Variants in ETFA observed in about 807,000 individuals in gnomAD.
ETFA encodes the protein electron transfer flavoprotein subunit alpha, also known as electron transfer flavoprotein subunit alpha, mitochondrial.
A neutral mutation model predicts 46.2 loss-of-function variants in ETFA; 22 were observed. The observed-to-expected ratio is 0.48, with a 90% CI of 0.34 to 0.68. ETFA has a LOEUF of 0.68. Among genes scored for constraint, ETFA ranks in the 30% least tolerant of loss-of-function variants. ETFA has a pLI of 0.01. For missense variants in ETFA, 345 were observed against 401.1 expected (o/e 0.86, Z 1.19); for synonymous variants, 131 against 139.9 (o/e 0.94, Z 0.45).
At chr15:76,286,288 G>T in intron 6 of ETFA, 83 bp downstream of exon 6, 2 of 706,694 alleles carry the variant, frequency 2.8e-6, no homozygotes, top group Non-Finnish European at 4.9e-6. Flanking sequence ...AGAAATGTAG[G>T]CAGAGGTCAT....
chr15:76,223,372 C>T (rs1307291357), intron 11 of ETFA, among the ~76,000 whole-genome samples: 1 of 151,886 alleles, frequency 6.6e-6, no homozygotes, highest in Non-Finnish European at 1.5e-5. Context: ...CATGCATCAC[C>T]ATGCTCGGCT....
chr15:76,236,069 CT>C (rs900425527), intron 9 of ETFA, among the ~76,000 whole-genome samples: 1 of 152,158 alleles, frequency 6.6e-6, no homozygotes, highest in Non-Finnish European at 1.5e-5. Flanking sequence ...TTTTTGGCTG[CT>C]TTCTTCAGAA....
intron 11 of ETFA, among the ~76,000 whole-genome samples, chr15:76,220,124 C>T (rs2038943446): frequency 6.6e-6 from 1 of 152,152 alleles, no homozygotes; most frequent in South Asian, 2.1e-4. Context: ...AGTGCAGTGG[C>T]ATGATCTTGG....
In ETFA at chr15:76,216,452, A is replaced by G. The variant is rs1444001792; in HGVS notation, c.*107T>C. 2 of 707,934 alleles carry G rather than the reference A, an allele frequency of 2.8e-6. No homozygotes were observed. The highest frequency in any genetic ancestry group is 5.0e-6 in the Non-Finnish European group (2 of 398,440). 43.9% of individuals were successfully genotyped at this position (707,934 alleles called of 1,614,324 possible). On this transcript the variant is annotated 3_prime_UTR_variant, in exon 12 of 12. Transcript: ENST00000557943. ...GTTAGAAATTTTCCCTCAAATTATG[A>G]AATGTAGCTCTCCATGCTTTCCAAT...
intron 1 of ETFA, among the ~76,000 whole-genome samples, chr15:76,300,498 C>T (rs1450711320): frequency 3.3e-5 from 5 of 152,294 alleles, no homozygotes; most frequent in Middle Eastern, 3.4e-3. Context: ...TTCTCTCCAT[C>T]GTCAATGCCA....
chr15:76,263,968 TA>T (rs1485323780), intron 9 of ETFA, among the ~76,000 whole-genome samples: 1 of 152,218 alleles, frequency 6.6e-6, no homozygotes, highest in South Asian at 2.1e-4. Flanking sequence ...CTGAAAAACT[TA>T]CTCCTCCTGT....
intron 9 of ETFA, among the ~76,000 whole-genome samples, chr15:76,258,015 G>A (rs1286578176): frequency 6.5e-5 from 7 of 108,208 alleles, no homozygotes; most frequent in Non-Finnish European, 1.1e-4. Context: ...TGTGGGGACC[G>A]TTGTGGGGTG....
chr15:76,283,717 CA>C (rs1376286281), intron 8 of ETFA, 39 bp downstream of exon 8: 1 of 1,259,354 alleles, frequency 7.9e-7, no homozygotes, highest in Non-Finnish European at 1.2e-6. Context: ...ATATTTCCAA[CA>C]AAAAGGGAAT....
chr15:76,292,741 AAAT>A (rs780748552), intron 2 of ETFA, 41 bp from the exon 3 acceptor site: 1 of 1,305,182 alleles, frequency 7.7e-7, no homozygotes, highest in South Asian at 1.2e-5. Flanking sequence ...CATCTATCAG[AAAT>A]ATACAAATAA....
chr15:76,283,332 C>G (rs532997840), intron 8 of ETFA, among the ~76,000 whole-genome samples: 1 of 152,132 alleles, frequency 6.6e-6, no homozygotes, highest in South Asian at 2.1e-4. Context: ...CCTGGGACTA[C>G]AAGCACACAC....
chr15:76,246,847 A>C (rs2039247889), intron 9 of ETFA, among the ~76,000 whole-genome samples: 1 of 152,000 alleles, frequency 6.6e-6, no homozygotes, highest in East Asian at 1.9e-4. Flanking sequence ...AAAAAAAAAG[A>C]AAAGAAAATT....
At position 76,216,467 on chromosome 15, in the gene ETFA, T is replaced by A; in HGVS notation, c.*92A>T. Reference sequence around the variant, plus strand: ...TCAAATTATGAAATGTAGCTCTCCATGCTTTCCAATGATTGTTATAATACC... The same window carrying A: ...TCAAATTATGAAATGTAGCTCTCCAAGCTTTCCAATGATTGTTATAATACC... On this transcript the variant is annotated 3_prime_UTR_variant, in exon 12 of 12. Transcript: ENST00000557943. 1 of 798,172 alleles carries A rather than the reference T, an allele frequency of 1.3e-6. No individual in the cohort carries two copies. The highest frequency in any genetic ancestry group is 2.0e-5 in the Admixed American group (1 of 50,448). 49.4% of individuals were successfully genotyped at this position (798,172 alleles called of 1,614,324 possible).
At chr15:76,295,936 C>CTTTTTTTTGTTTTTTTTTTTTTTTTTTTT (rs2039816726) in intron 1 of ETFA, among the ~76,000 whole-genome samples, 199 bp from the exon 2 acceptor site, 2 of 46,602 alleles carry the variant, frequency 4.3e-5, no homozygotes, top group Non-Finnish European at 8.5e-5. Flanking sequence ...CACTAATATT[C>CTTTTTTTTGTTTTTTTTTTTTTTTTTTTT]TTTTTTTTTT....
At chr15:76,245,472 G>A (rs2141477287) in intron 9 of ETFA, among the ~76,000 whole-genome samples, 2 of 152,294 alleles carry the variant, frequency 1.3e-5, no homozygotes, top group Middle Eastern at 6.8e-3. Flanking sequence ...AGTCCTAGCT[G>A]TATACAAGTA....
At chr15:76,263,355 C>G (rs1408098830) in intron 9 of ETFA, among the ~76,000 whole-genome samples, 1 of 152,134 alleles carries the variant, frequency 6.6e-6, no homozygotes, top group Non-Finnish European at 1.5e-5. Flanking sequence ...GCGACAAAGA[C>G]CACAGTGAAG....
At chr15:76,293,996 C>T (rs566313576) in intron 2 of ETFA, among the ~76,000 whole-genome samples, 23 of 148,644 alleles carry the variant, frequency 1.5e-4, no homozygotes, top group Non-Finnish European at 1.6e-4. Flanking sequence ...ACTGGCAAAA[C>T]GGCTGGCATT....
At chr15:76,285,817 C>G in intron 6 of ETFA, 79 bp from the exon 7 acceptor site, 2 of 934,474 alleles carry the variant, frequency 2.1e-6, no homozygotes, top group Non-Finnish European at 3.5e-6. Context: ...GAGAAACACA[C>G]AAGTATATAA....
intron 9 of ETFA, among the ~76,000 whole-genome samples, chr15:76,262,471 C>T (rs1250475081): frequency 1.5e-5 from 2 of 133,562 alleles, no homozygotes; most frequent in Non-Finnish European, 3.2e-5. Flanking sequence ...ATAATCAAAC[C>T]CCCTTTTTTT....
intron 11 of ETFA, among the ~76,000 whole-genome samples, chr15:76,220,258 G>A (rs2038944520): frequency 6.6e-6 from 1 of 152,140 alleles, no homozygotes; most frequent in Non-Finnish European, 1.5e-5. Context: ...GGTAGAGATG[G>A]GGTTTCGCCT....
Sources: gnomAD v4.1 joint callset for allele counts (sites outside exome capture counted in the v4.1 genomes callset) on GRCh38, gnomAD v4.1.1 for gene constraint, MANE v1.5 for transcripts, NCBI Gene and HGNC (gene_info 2026-07-23, HGNC 2026-07-21) for gene names.